The following BAZ2B variants were observed in gnomAD, a reference collection of about 807,000 sequenced individuals.
The protein encoded by BAZ2B is bromodomain adjacent to zinc finger domain protein 2B.
In BAZ2B, 91 loss-of-function variants were observed where a neutral mutation model predicts 246.0. The ratio of observed to expected loss-of-function variants is 0.37; its 90% CI spans 0.31 to 0.44. BAZ2B has a LOEUF of 0.44. BAZ2B is among the 20% of genes least tolerant of loss of function. The pLI is 1.00. For synonymous variants in BAZ2B, 855 were observed against 860.0 expected (o/e 0.99, Z 0.10); for missense variants, 2,332 against 2,533.7 (o/e 0.92, Z 1.71).
At chr2:159,527,917 G>A (rs2084930832) in intron 2 of BAZ2B, among the ~76,000 whole-genome samples, 1 of 152,106 alleles carries the variant, frequency 6.6e-6, no homozygotes, top group South Asian at 2.1e-4. Context: ...CTTCTCACAG[G>A]GGAAGGCTAT....
chr2:159,339,440 C>T (rs1341656758), intron 31 of BAZ2B, among the ~76,000 whole-genome samples: 3 of 152,150 alleles, frequency 2.0e-5, no homozygotes, highest in Non-Finnish European at 2.9e-5. Context: ...CCCTAACTCA[C>T]AGTTTCTACA....
intron 27 of BAZ2B, among the ~76,000 whole-genome samples, chr2:159,370,334 A>AC (rs1553524854): frequency 6.9e-6 from 1 of 145,958 alleles, no homozygotes; most frequent in Non-Finnish European, 1.5e-5. Context: ...ATATATATTT[A>AC]TTAAAAAAAA....
At chr2:159,365,348 C>T (rs1559123101) in intron 27 of BAZ2B, among the ~76,000 whole-genome samples, 1 of 152,152 alleles carries the variant, frequency 6.6e-6, no homozygotes, top group African/African-American at 2.4e-5. Context: ...TGTTTATACT[C>T]ATAAAGGTCC....
chr2:159,466,357 A>G (rs901723363), intron 3 of BAZ2B, among the ~76,000 whole-genome samples: 1 of 152,176 alleles, frequency 6.6e-6, no homozygotes, highest in Admixed American at 6.5e-5. Flanking sequence ...AGTCCTGTAA[A>G]TTCATCTCTC....
At chr2:159,690,475 T>C in the BAZ2B span, among the ~76,000 whole-genome samples, 5 of 152,226 alleles carry the variant, frequency 3.3e-5, no homozygotes, top group African/African-American at 9.6e-5. Flanking sequence ...AATTGGGGTT[T>C]CCCTTACCAC....
At chr2:159,704,150 T>C in the BAZ2B span, among the ~76,000 whole-genome samples, 6 of 152,220 alleles carry the variant, frequency 3.9e-5, no homozygotes, top group African/African-American at 1.4e-4. Context: ...GAATGGACTC[T>C]GGGATAAAAA....
intron 27 of BAZ2B, among the ~76,000 whole-genome samples, chr2:159,362,191 G>A (rs905728310): frequency 2.0e-4 from 30 of 152,018 alleles, no homozygotes; most frequent in African/African-American, 5.6e-4. Flanking sequence ...GGTTTTGGCT[G>A]GAAGGCCATA....
At chr2:159,705,076 A>AG in the BAZ2B span, among the ~76,000 whole-genome samples, 9 of 150,886 alleles carry the variant, frequency 6.0e-5, no homozygotes, top group African/African-American at 2.2e-4. Context: ...GCTGGAGTGC[A>AG]GTGGCGCAAT....
chr2:159,682,880 T>G, the BAZ2B span, among the ~76,000 whole-genome samples: 14 of 148,690 alleles, frequency 9.4e-5, no homozygotes, highest in Non-Finnish European at 1.8e-4. Context: ...TTCTCAAGCA[T>G]CTCTGTTTTA....
rs189272836 is a variant in BAZ2B, at chr2:159,501,501, A to T, written c.-2-22780T>A. Among the ~76,000 whole-genome samples, 18 of 151,518 alleles carry T rather than the reference A, an allele frequency of 1.2e-4. 1 individual carries two copies. The highest frequency in any genetic ancestry group is 8.6e-4 in the Admixed American group (13 of 15,204). On this transcript the variant is annotated intron_variant, in intron 2 of 36. Transcript: ENST00000392783. ...TCATGAATAAAACTATGAGCCAAAA[A>T]TTTTTTAGTATTTCTACAAAGTAAA...
intron 2 of BAZ2B, among the ~76,000 whole-genome samples, chr2:159,497,839 T>C (rs1274337437): frequency 6.6e-6 from 1 of 152,184 alleles, no homozygotes; most frequent in Non-Finnish European, 1.5e-5. Context: ...TCTTTTCTCA[T>C]GTTCACTCAT....
At chr2:159,551,313 CA>C (rs1272461116) in intron 2 of BAZ2B, among the ~76,000 whole-genome samples, 3 of 151,586 alleles carry the variant, frequency 2.0e-5, no homozygotes, top group East Asian at 1.9e-4. Flanking sequence ...ACTAAAAATA[CA>C]AAAAATTAGC....
intron 1 of BAZ2B, among the ~76,000 whole-genome samples, chr2:159,587,901 A>C (rs1688409372): frequency 7.4e-6 from 1 of 135,538 alleles, no homozygotes; most frequent in South Asian, 2.5e-4. Context: ...AAAAAATAAC[A>C]AAAAAAGGCC....
the BAZ2B span, among the ~76,000 whole-genome samples, chr2:159,684,751 T>C: frequency 5.9e-5 from 9 of 152,358 alleles, no homozygotes; most frequent in African/African-American, 2.2e-4. Context: ...TACTTTTATT[T>C]GCACACATTC....
chr2:159,462,096 A>G (rs753585003), intron 3 of BAZ2B: 1 of 256,322 alleles, frequency 3.9e-6, no homozygotes, highest in Non-Finnish European at 7.5e-6. Context: ...TGGCTAGGAA[A>G]CTTTTTTAAA....
At chr2:159,464,524 GT>G (rs1215117668) in intron 3 of BAZ2B, 2 of 151,742 alleles carry the variant, frequency 1.3e-5, no homozygotes, top group African/African-American at 4.9e-5. Flanking sequence ...CGATCACTTG[GT>G]TAAGCTGGTA....
At chr2:159,678,597 T>A in the BAZ2B span, among the ~76,000 whole-genome samples, 430 of 152,274 alleles carry the variant, frequency 2.8e-3, no homozygotes, top group Middle Eastern at 0.044. Context: ...GTCCAGGAGT[T>A]AGAGGACAGC....
intron 25 of BAZ2B, among the ~76,000 whole-genome samples, chr2:159,375,218 T>C (rs1417762306): frequency 6.6e-6 from 1 of 151,628 alleles, no homozygotes; most frequent in African/African-American, 2.4e-5. Context: ...AAACAAAACA[T>C]AGCAAACCAC....
In BAZ2B at chr2:159,385,218, G is replaced by C; in HGVS notation, c.3623C>G (p.Ala1208Gly). 1 of 1,613,594 alleles carries C rather than the reference G, an allele frequency of 6.2e-7. No homozygotes were observed. The highest frequency in any genetic ancestry group is 8.5e-7 in the Non-Finnish European group (1 of 1,179,668). Residue 1208 changes from alanine to glycine, a missense_variant, in exon 23 of 37, where the codon GCA becomes GGA. Transcript: ENST00000392783. ...GAAAGCCAGGACTGAAGCTTTCTGT[G>C]CTGGAGTGTGAGCCTGAAAAGCTTT... ...KTKAFQAHTPAQKASVLAFLI... is the reference protein window; with the variant it reads ...KTKAFQAHTPGQKASVLAFLI...
Sources: gnomAD v4.1 joint callset for allele counts (sites outside exome capture counted in the v4.1 genomes callset) on GRCh38, gnomAD v4.1.1 for gene constraint, MANE v1.5 for transcripts, NCBI Gene and HGNC (gene_info 2026-07-23, HGNC 2026-07-21) for gene names.